The following DQX1 variants were observed in gnomAD, a reference collection of about 807,000 sequenced individuals.
The protein encoded by DQX1 is DEAQ-box RNA dependent ATPase 1.
A neutral mutation model predicts 81.3 loss-of-function variants in DQX1; 66 were observed. The ratio of observed to expected loss-of-function variants is 0.81; its 90% confidence interval spans 0.67 to 1.00. The LOEUF is 1.00. DQX1 is among the 50% of genes least tolerant of loss of function. The pLI, the probability that DQX1 is intolerant of heterozygous loss-of-function variation, is 0.00. For synonymous variants in DQX1, 290 were observed against 350.0 expected, an observed-to-expected ratio of 0.83 and a Z score of 1.91; for missense variants, 798 against 867.9, an observed-to-expected ratio of 0.92 and a Z score of 1.01.
intron 4 of DQX1, 147 bp downstream of exon 4, chr2:74,523,776 C>T: frequency 7.8e-7 from 1 of 1,281,772 alleles, no homozygotes. Context: ...TCTCTGGGAC[C>T]CCAACGGAGA....
intron 8 of DQX1, among the ~76,000 whole-genome samples, chr2:74,520,668 T>TTTG (rs58920015): frequency 0.022 from 3,284 of 152,088 alleles, 115 homozygotes; most frequent in African/African-American, 0.075. Flanking sequence ...TGGGGTTTTT[T>TTTG]TTGTTGTTGT....
intron 11 of DQX1, 146 bp from the exon 12 acceptor site, chr2:74,518,748 T>A: frequency 1.2e-6 from 1 of 852,332 alleles, no homozygotes; most frequent in Admixed American, 2.6e-5. Context: ...CCGTAATCCT[T>A]AGCCTTAGAC....
chr2:74,519,819 G>A, intron 9 of DQX1, 73 bp from the exon 10 acceptor site: 2 of 1,601,528 alleles, frequency 1.2e-6, no homozygotes, highest in Non-Finnish European at 1.7e-6. Flanking sequence ...TAGCCAAAGG[G>A]CCTCCTCTTT....
chr2:74,522,110 C>T (rs566775879), intron 8 of DQX1, among the ~76,000 whole-genome samples: 1 of 152,262 alleles, frequency 6.6e-6, no homozygotes, highest in East Asian at 1.9e-4. Flanking sequence ...AGGGAGGAGG[C>T]AGTTTCAAGG....
intron 4 of DQX1, 144 bp from the exon 5 acceptor site, chr2:74,523,681 GGGGT>G: frequency 1.0e-6 from 1 of 975,630 alleles, no homozygotes; most frequent in Non-Finnish European, 1.5e-6. Flanking sequence ...TATAATTTCA[GGGGT>G]TCACTGAATC....
At position 74,518,496 on chromosome 2, in the gene DQX1, T is replaced by C; in HGVS notation, c.2104A>G (p.Ser702Gly). 1 of 1,614,192 alleles carries C rather than the reference T, an allele frequency of 6.2e-7. No individual in the cohort carries two copies. Residue 702 changes from serine (S) to glycine (G), a missense_variant, in exon 12 of 12, where the codon AGC becomes GGC. Ser to Gly is a moderately conservative substitution (Grantham distance 56). Transcript: ENST00000404568. ...AACTCCTGGGCTGAGGATGATTTGC[T>C]CCCTGCTGTAGAATCTGCCATTCCT... ...REGMADSTAG[S>G]KSSSAQEFRD...
Position 74,525,266 on chromosome 2 carries a change from A to G in DQX1, c.238-64T>C, listed in dbSNP as rs1253259851. 2.8e-6 allele frequency: 4 copies of G among 1,442,236 alleles called. No individual in the cohort carries two copies. The highest frequency in any genetic ancestry group is 3.7e-6 in the Non-Finnish European group (4 of 1,082,830). The allele number at this position is 1,442,236 out of a possible 1,614,324, so 89.3% of individuals were successfully genotyped here. A position where few individuals can be genotyped will look rare whatever the true frequency, so the allele number is the denominator to read the frequency against. ...TGTAGGACTTCAGTCAGAAGTGCTCAGGGAACTATGGCCACTTTAATCTTT... is the reference window on the plus strand; with the variant it reads ...TGTAGGACTTCAGTCAGAAGTGCTCGGGGAACTATGGCCACTTTAATCTTT... On this transcript the variant is annotated intron_variant, in intron 2 of 11. Coordinates refer to ENST00000404568, the MANE Select transcript of DQX1 (RefSeq NM_133637.3). This position sits in a 1 kb window ranked among gnomAD's most constrained non-coding sequence, Gnocchi z 4.1.
Position 74,524,115 on chromosome 2 carries a change from A to G in DQX1, c.624T>C (p.Leu208=). Residue 208 remains leucine, a synonymous_variant, in exon 4 of 12, where the codon CTT becomes CTC. Coordinates refer to ENST00000404568, the MANE Select transcript of DQX1 (RefSeq NM_133637.3). The stretch of plus-strand genomic sequence containing the variant: ...CCCAGAAAGCTCGGAGCTTAGGTTC[A>G]AGGGCTGGGTCAGTAACCACAACCA... The part of the protein sequence containing the change: ...LRVVVVTDPA[L]EPKLRAFWGN... 2 of 1,614,166 alleles carry G rather than the reference A, an allele frequency of 1.2e-6. No individual in the cohort carries two copies. Among genetic ancestry groups the G allele is most frequent in the Non-Finnish European group, 1.7e-6 (2 of 1,180,034 alleles).
intron 8 of DQX1, among the ~76,000 whole-genome samples, chr2:74,521,845 T>A (rs1022727880): frequency 2.0e-5 from 3 of 151,092 alleles, no homozygotes; most frequent in African/African-American, 7.3e-5. Flanking sequence ...GTCTCTCAGA[T>A]TCGAAGAATG....
At position 74,518,245 on chromosome 2, in the gene DQX1, G is replaced by A; in HGVS notation, c.*201C>T. 1.8e-6 allele frequency: 1 copy of A among 556,552 alleles called. No individual in the cohort carries two copies. 34.5% of individuals were successfully genotyped at this position (556,552 alleles called of 1,614,324 possible). On this transcript the variant is annotated 3_prime_UTR_variant, in exon 12 of 12. Coordinates refer to ENST00000404568, the MANE Select transcript of DQX1 (RefSeq NM_133637.3). ...TCTCCAATCAATAAGAGAAGGCTAAGGAAAGAGTCCTTCCCTATGTAGACT... is the reference window on the plus strand; with the variant it reads ...TCTCCAATCAATAAGAGAAGGCTAAAGAAAGAGTCCTTCCCTATGTAGACT...
Position 74,519,218 on chromosome 2 carries a change from T to G in DQX1, c.1819A>C (p.Thr607Pro). 2.6e-6 allele frequency: 4 copies of G among 1,566,396 alleles called. No individual in the cohort carries two copies. The highest frequency in any genetic ancestry group is 3.5e-6 in the Non-Finnish European group (4 of 1,155,656). Residue 607 changes from threonine (T) to proline (P), a missense_variant, in exon 11 of 12, where the codon ACA becomes CCA. By Grantham distance (38) the Thr-to-Pro change is conservative. Coordinates refer to ENST00000404568, the MANE Select transcript of DQX1 (RefSeq NM_133637.3). Reference protein sequence around the residue: ...SGYFLKVARDTDGTGNYLLLT... With the variant: ...SGYFLKVARDPDGTGNYLLLT... ...AGAAGGTAATTTCCAGTCCCGTCTG[T>G]GTCTCTGGCCACCTTATTGAAAGGC...
At position 74,523,015 on chromosome 2, in the gene DQX1, C is replaced by A; in HGVS notation, c.1145-1G>T. The A allele has an allele frequency of 6.2e-7, 1 of 1,614,092 alleles. No homozygotes were observed. On this transcript the variant is annotated splice_acceptor_variant, in intron 6 of 11. Coordinates refer to ENST00000404568, the MANE Select transcript of DQX1 (RefSeq NM_133637.3). LOFTEE classifies it high-confidence loss of function. The stretch of plus-strand genomic sequence containing the variant: ...TTAGGATACAGGCAGAGGCAGGATC[C>A]TGAGGGGAAAAAGACCTGGGAAAGA...
At position 74,519,971 on chromosome 2, in the gene DQX1, T is replaced by G. The variant is rs1413084046; in HGVS notation, c.1559A>C (p.Glu520Ala). 1 of 1,614,184 alleles carries G rather than the reference T, an allele frequency of 6.2e-7. No individual in the cohort carries two copies. The highest frequency in any genetic ancestry group is 8.5e-7 in the Non-Finnish European group (1 of 1,180,028). Residue 520 changes from glutamate (E) to alanine (A), a missense_variant, in exon 9 of 12, where the codon GAA becomes GCA. Physicochemically the swap from Glu to Ala is moderately radical, Grantham distance 107 (BLOSUM62 -1). Transcript: ENST00000404568. ...AGAACTGTGGTCACCATCCGTGTGT[T>G]CCAGGGCCCGACGCAGGGCAGCTTC... ...AEEAALRRAL[E>A]HTDGDHSSLI...
At position 74,518,469 on chromosome 2, in the gene DQX1, T is replaced by C. The variant is rs146905842; in HGVS notation, c.2131A>G (p.Arg711Gly). ...GSKSSSAQEF[R>G]DPCVLQ is the part of the protein sequence containing the mutation. The stretch of plus-strand genomic sequence containing the variant: ...GGTCACTGCAGGACACAGGGATCTC[T>C]GAACTCCTGGGCTGAGGATGATTTG... Residue 711 changes from arginine (R) to glycine (G), a missense_variant, in exon 12 of 12, where the codon AGA (arginine) becomes GGA (glycine). By Grantham distance (125) the Arg-to-Gly change is moderately radical. Coordinates refer to ENST00000404568, the MANE Select transcript of DQX1 (RefSeq NM_133637.3). 199 of 1,614,230 alleles carry C rather than the reference T, an allele frequency of 1.2e-4. No homozygotes were observed. In the African/African-American group the frequency reaches 2.3e-3, roughly 19 times the overall value.
chr2:74,525,730 G>C lies in DQX1; in HGVS notation c.-1C>G. On this transcript the variant is annotated 5_prime_UTR_variant, in exon 2 of 12. Coordinates refer to ENST00000404568, the MANE Select transcript of DQX1 (RefSeq NM_133637.3). The surrounding 1 kb of genome is among the most constrained non-coding windows in gnomAD (Gnocchi z 4.1). The stretch of plus-strand genomic sequence containing the variant: ...CTAGCCTGAGAGGCTGAGAGGTCAT[G>C]GTGGCTCTCTGGCAGGACCTGCAGA... 1 of 1,550,736 alleles carries C rather than the reference G, an allele frequency of 6.4e-7. No individual in the cohort carries two copies. The highest frequency in any genetic ancestry group is 8.7e-7 in the Non-Finnish European group (1 of 1,146,362).
intron 10 of DQX1, 90 bp from the exon 11 acceptor site, chr2:74,519,320 G>C: frequency 7.1e-7 from 1 of 1,412,296 alleles, no homozygotes; most frequent in Non-Finnish European, 9.6e-7. Flanking sequence ...AAAGAGTAAG[G>C]GTGATGAGAG....
chr2:74,522,475 G>T, intron 8 of DQX1, 105 bp downstream of exon 8: 1 of 1,370,346 alleles, frequency 7.3e-7, no homozygotes, highest in Non-Finnish European at 1.0e-6. Context: ...TGTGAGGGGT[G>T]GCAACTGGAG....
intron 10 of DQX1, 89 bp from the exon 11 acceptor site, chr2:74,519,319 G>C: frequency 7.0e-7 from 1 of 1,422,650 alleles, no homozygotes; most frequent in African/African-American, 1.4e-5. Flanking sequence ...GAAAGAGTAA[G>C]GGTGATGAGA....
chr2:74,523,887 T>C, intron 4 of DQX1, 36 bp downstream of exon 4: 1 of 1,498,342 alleles, frequency 6.7e-7, no homozygotes. Flanking sequence ...AGGCTCATTT[T>C]GCAGGCTGTT....
Sources: allele counts gnomAD v4.1 joint callset (sites outside exome capture counted in the v4.1 genomes callset), GRCh38; gene constraint gnomAD v4.1.1; non-coding constraint Gnocchi (gnomAD v3.1); transcripts MANE v1.5; gene names NCBI Gene and HGNC (gene_info 2026-07-23, HGNC 2026-07-21).